Variants in SGSM2 observed in about 807,000 individuals in gnomAD.
SGSM2 encodes the protein RUN and TBC1 domain containing 1.
SGSM2 carries 89 observed loss-of-function variants against 126.6 expected under a neutral mutation model. The observed-to-expected ratio is 0.70, with a 90% CI of 0.59 to 0.84. The LOEUF is 0.84. Ranked by LOEUF, SGSM2 falls within the 40% of genes least tolerant of loss-of-function variation. The pLI, the probability that SGSM2 is intolerant of heterozygous loss-of-function variation, is 0.00. For missense variants in SGSM2, 1,404 were observed against 1,416.6 expected, an observed-to-expected ratio of 0.99 and a Z score of 0.14; for synonymous variants, 614 against 574.3, an observed-to-expected ratio of 1.07 and a Z score of -0.99.
At chr17:2,346,912 G>A (rs1180453956) in intron 2 of SGSM2, among the ~76,000 whole-genome samples, 1 of 151,998 alleles carries the variant, frequency 6.6e-6, no homozygotes, top group Non-Finnish European at 1.5e-5. Flanking sequence ...AATATTACAG[G>A]ATGCAGTCTC....
chr17:2,362,433 C>CCAAAAACTGCAGGTGACCGCTCCGTTCCT lies in SGSM2; in HGVS notation c.458+183_458+184insTCCGTTCCTCAAAAACTGCAGGTGACCGC, dbSNP rs2065357700. ...AAAACTGCAGGTGACCGCCCCGTTCCCAAAAACTGCAGGTGACCGCCCCGT... is the reference window on the plus strand; with the variant it reads ...AAAACTGCAGGTGACCGCCCCGTTCCCAAAAACTGCAGGTGACCGCTCCGTTCCTCAAAAACTGCAGGTGACCGCCCCGT... On this transcript the variant is annotated intron_variant, in intron 4 of 23. Transcript: ENST00000268989. The surrounding 1 kb of genome is among the most constrained non-coding windows in gnomAD (Gnocchi z 4.9). Among the ~76,000 whole-genome samples, 1 of 149,858 alleles carries CCAAAAACTGCAGGTGACCGCTCCGTTCCT rather than the reference C, an allele frequency of 6.7e-6. No individual in the cohort carries two copies. The highest frequency in any genetic ancestry group is 2.1e-4 in the South Asian group (1 of 4,662).
At chr17:2,361,984 C>A in intron 3 of SGSM2, 125 bp from the exon 4 acceptor site, 1 of 1,361,488 alleles carries the variant, frequency 7.3e-7, no homozygotes, top group South Asian at 1.4e-5. Context: ...ACCCCTCCTT[C>A]ACCTCCCAAC....
intron 1 of SGSM2, among the ~76,000 whole-genome samples, chr17:2,340,202 G>C (rs991655319): frequency 2.0e-5 from 3 of 151,498 alleles, no homozygotes; most frequent in Non-Finnish European, 4.4e-5. Flanking sequence ...GCAACCTCCA[G>C]CTCCTGGGTT....
intron 2 of SGSM2, among the ~76,000 whole-genome samples, chr17:2,345,565 C>T (rs2064565103): frequency 7.1e-6 from 1 of 140,016 alleles, no homozygotes; most frequent in African/African-American, 2.7e-5. Context: ...CACTGCACTC[C>T]AGCCTGGGTG....
In SGSM2 at chr17:2,368,063, T is replaced by G. The variant is rs1305727060; in HGVS notation, c.1423+658T>G. 2.6e-5 allele frequency among the ~76,000 whole-genome samples: 4 copies of G among 152,200 alleles called. No homozygotes were observed. The East Asian group carries it at 7.7e-4, about 29-fold the overall frequency. On this transcript the variant is annotated intron_variant, in intron 12 of 23. Transcript: ENST00000268989. Reference sequence around the variant, plus strand: ...CGCCCCAGATATGCCCCTGGTTCACTGTGTGGTTTTGAGCAAGTTTCTCAC... The same window carrying G: ...CGCCCCAGATATGCCCCTGGTTCACGGTGTGGTTTTGAGCAAGTTTCTCAC...
At position 2,362,147 on chromosome 17, in the gene SGSM2, A is replaced by G; in HGVS notation, c.335A>G (p.Gln112Arg). The change falls in exon 4 of 24, where the codon CAG becomes CGG. Residue 112 changes from glutamine to arginine, a missense_variant. Transcript: ENST00000268989. The surrounding 1 kb of genome is among the most constrained non-coding windows in gnomAD (Gnocchi z 4.9). ...GTCAGCCAGGAGGCCCTGCGGAGAC[A>G]GGGCTCAGCCAGCGGGAAGGCCCCG... is the stretch of plus-strand genomic sequence containing the variant. ...SGVSQEALRR[Q>R]GSASGKAPAL... is the part of the protein sequence containing the mutation. The G allele has an allele frequency of 7.4e-6, 12 of 1,613,776 alleles. No homozygotes were observed. The highest frequency in any genetic ancestry group is 1.0e-5 in the Non-Finnish European group (12 of 1,179,950).
chr17:2,373,475 C>A lies in SGSM2; in HGVS notation c.2062C>A (p.Gln688Lys). 6.3e-7 allele frequency: 1 copy of A among 1,591,604 alleles called. No individual in the cohort carries two copies. Residue 688 changes from glutamine (Q) to lysine (K), a missense_variant, in exon 17 of 24, where the codon CAG becomes AAG. Physicochemically the swap from Gln to Lys is moderately conservative, Grantham distance 53. Transcript: ENST00000268989. ...SSGSSIDSHV[Q>K]RLIHRDSTIS... ...AGGCAGCAGCATCGACAGCCACGTGCAGCGCCTCATCCACCGAGACTCCAC... is the reference window on the plus strand; with the variant it reads ...AGGCAGCAGCATCGACAGCCACGTGAAGCGCCTCATCCACCGAGACTCCAC...
At chr17:2,375,386 G>A (rs1264173656) in intron 17 of SGSM2, 106 bp from the exon 18 acceptor site, 62 of 1,383,688 alleles carry the variant, frequency 4.5e-5, no homozygotes, top group Non-Finnish European at 5.6e-5. Context: ...GGTGGGAGAG[G>A]GGGTGTGAAG....
intron 8 of SGSM2, 198 bp downstream of exon 8, chr17:2,364,381 G>T: frequency 1.2e-6 from 1 of 860,294 alleles, no homozygotes; most frequent in Non-Finnish European, 1.8e-6. Context: ...GAAGAGGTTT[G>T]TCTGAGCCAA....
intron 2 of SGSM2, among the ~76,000 whole-genome samples, chr17:2,349,999 G>GGATGGTCTCAATCTCCTGACCTCGT (rs1298630229): frequency 1.3e-4 from 20 of 152,038 alleles, no homozygotes; most frequent in Non-Finnish European, 2.6e-4. Flanking sequence ...GTGTTAGCCA[G>GGATGGTCTCAATCTCCTGACCTCGT]GATGGTCTCA....
intron 18 of SGSM2, 70 bp downstream of exon 18, chr17:2,375,945 G>A: frequency 6.6e-7 from 1 of 1,512,736 alleles, no homozygotes; most frequent in Non-Finnish European, 8.8e-7. Flanking sequence ...AGCTGGGGAA[G>A]CGCTGGTGGG....
At chr17:2,369,451 G>A (rs1248582061) in intron 12 of SGSM2, among the ~76,000 whole-genome samples, 1 of 152,188 alleles carries the variant, frequency 6.6e-6, no homozygotes, top group Non-Finnish European at 1.5e-5. Context: ...CATGCTCAGA[G>A]GAGAGAGTCA....
At chr17:2,368,515 G>A (rs2065701855) in intron 12 of SGSM2, among the ~76,000 whole-genome samples, 1 of 152,152 alleles carries the variant, frequency 6.6e-6, no homozygotes, top group Non-Finnish European at 1.5e-5. Flanking sequence ...GTTCTGCCGG[G>A]AAGCCCAGTT....
intron 2 of SGSM2, among the ~76,000 whole-genome samples, chr17:2,346,999 G>A (rs1239735689): frequency 6.6e-6 from 1 of 152,168 alleles, no homozygotes; most frequent in East Asian, 1.9e-4. Context: ...TGAGGTAGGA[G>A]GATCACTTGA....
chr17:2,338,179 C>T (rs2064173206), intron 1 of SGSM2, among the ~76,000 whole-genome samples: 1 of 152,138 alleles, frequency 6.6e-6, no homozygotes. Context: ...GGGTGTCGTG[C>T]GGGCTGAGCT....
In SGSM2 at chr17:2,367,376, G is replaced by A. The variant is rs758757388; in HGVS notation, c.1394G>A (p.Arg465Gln). 2.2e-5 allele frequency: 36 copies of A among 1,613,954 alleles called. No individual in the cohort carries two copies. The highest frequency in any genetic ancestry group is 5.3e-5 in the African/African-American group (4 of 74,938). Reference sequence around the variant, plus strand: ...GCGATGCTCTCAATGATCTGCTCGCGGAACCTCACAGCTCCCAATCCGATG... The same window carrying A: ...GCGATGCTCTCAATGATCTGCTCGCAGAACCTCACAGCTCCCAATCCGATG... ...LHAMLSMICSRNLTAPNPMKD... is the reference protein window; with the variant it reads ...LHAMLSMICSQNLTAPNPMKD... Residue 465 changes from arginine (R) to glutamine (Q), a missense_variant, in exon 12 of 24, where the codon CGG (arginine) becomes CAG (glutamine). Arg to Gln is a conservative substitution (Grantham distance 43). Transcript: ENST00000268989. The surrounding 1 kb of genome is among the most constrained non-coding windows in gnomAD (Gnocchi z 4.0).
chr17:2,371,660 G>T (rs115136040), intron 13 of SGSM2: 4 of 524,974 alleles, frequency 7.6e-6, no homozygotes, highest in Non-Finnish European at 1.3e-5. Context: ...GCTGCCTGCA[G>T]TACTTATGAG....
In SGSM2 at chr17:2,363,978, A is replaced by G. The variant is rs2065439711; in HGVS notation, c.808-81A>G. On this transcript the variant is annotated intron_variant, in intron 7 of 23. Coordinates refer to ENST00000268989, the MANE Select transcript of SGSM2 (RefSeq NM_014853.3). The surrounding 1 kb of genome is among the most constrained non-coding windows in gnomAD (Gnocchi z 4.2). ...GCCTAGCTTGGCCTCCCCTCCTCCC[A>G]GCGGGAGCTCATTTCTCATAGGCCA... The G allele has an allele frequency of 2.5e-6, 4 of 1,580,658 alleles. No individual in the cohort carries two copies. The highest frequency in any genetic ancestry group is 3.5e-6 in the Non-Finnish European group (4 of 1,152,602).
rs199759127 is a variant in SGSM2, at chr17:2,375,527, G to T, written c.2136G>T (p.Glu712Asp). The change falls in exon 18 of 24, where the codon GAG becomes GAT. Residue 712 changes from glutamate to aspartate, a missense_variant. Coordinates refer to ENST00000268989, the MANE Select transcript of SGSM2 (RefSeq NM_014853.3). ...CAGTGGATGATCTGGAACCCCCGGAGCCCCAGGACCCTGAAGATTCCAGAC... is the reference window on the plus strand; with the variant it reads ...CAGTGGATGATCTGGAACCCCCGGATCCCCAGGACCCTGAAGATTCCAGAC... Reference protein sequence around the residue: ...FISVDDLEPPEPQDPEDSRPK... With the variant: ...FISVDDLEPPDPQDPEDSRPK... 270 of 1,612,842 alleles carry T rather than the reference G, an allele frequency of 1.7e-4. 2 individuals carry two copies. In the East Asian group the frequency reaches 5.9e-3, roughly 35 times the overall value.
Sources: allele counts gnomAD v4.1 joint callset (sites outside exome capture counted in the v4.1 genomes callset), GRCh38; gene constraint gnomAD v4.1.1; non-coding constraint Gnocchi (gnomAD v3.1); transcripts MANE v1.5; gene names NCBI Gene and HGNC (gene_info 2026-07-23, HGNC 2026-07-21).